Variants in PLAG1 observed in about 807,000 individuals in gnomAD.
PLAG1 encodes the protein PLAG1 zinc finger.
In PLAG1, 7 loss-of-function variants were observed where a neutral mutation model predicts 35.5. The ratio of observed to expected loss-of-function variants is 0.20; its 90% CI spans 0.11 to 0.37. The LOEUF (loss-of-function observed/expected upper bound fraction) is 0.37, where lower values mean the gene tolerates loss of function less well. Ranked by LOEUF, PLAG1 falls within the 10% of genes least tolerant of loss-of-function variation. The pLI is 1.00. For missense variants in PLAG1, 454 were observed against 602.8 expected, an observed-to-expected ratio of 0.75 and a Z score of 2.58; for synonymous variants, 229 against 225.4, an observed-to-expected ratio of 1.02 and a Z score of -0.14.
chr8:56,193,822 C>T (rs1812264709), intron 1 of PLAG1, among the ~76,000 whole-genome samples: 1 of 151,890 alleles, frequency 6.6e-6, no homozygotes, highest in African/African-American at 2.4e-5. Flanking sequence ...CTCAGCCTCC[C>T]AAATAGCTGG....
At chr8:56,201,091 A>G (rs564768804) in intron 1 of PLAG1, among the ~76,000 whole-genome samples, 2 of 152,328 alleles carry the variant, frequency 1.3e-5, no homozygotes, top group African/African-American at 4.8e-5. Flanking sequence ...TACATGAATA[A>G]CAAAATGGAG....
Position 56,166,255 on chromosome 8 carries a change from T to C in PLAG1, c.1491A>G (p.Gln497=), listed in dbSNP as rs182997597. The change falls in exon 5 of 5, where the codon CAA becomes CAG. Residue 497 remains glutamine, a synonymous_variant. Transcript: ENST00000316981. ...ATGTCCCAGAATCCTACTGAAAAGC[T>C]TGATGGAAACGTGGGAGGGTGGTAC... ...STSTTLPRFH[Q]AFQ is the part of the protein sequence containing the mutation. 6.4e-5 allele frequency: 101 copies of C among 1,587,784 alleles called. No individual in the cohort carries two copies. In the East Asian group the frequency reaches 8.3e-4, roughly 13 times the overall value.
rs1019297983 is a variant in PLAG1, at chr8:56,165,081, G to C, written c.*1162C>G. ...ACTGTTGTTTTTGTTTTCTGCTTTT[G>C]ATTCTTAAGGGAAAGAAAAACATAT... On this transcript the variant is annotated 3_prime_UTR_variant, in exon 5 of 5. Transcript: ENST00000316981. 12 of 206,920 alleles carry C rather than the reference G, an allele frequency of 5.8e-5. No individual in the cohort carries two copies. In the East Asian group the frequency reaches 8.8e-4, roughly 15 times the overall value. 12.8% of individuals were successfully genotyped at this position (206,920 alleles called of 1,614,324 possible).
intron 1 of PLAG1, among the ~76,000 whole-genome samples, chr8:56,197,704 T>G (rs1812424420): frequency 6.6e-6 from 1 of 152,214 alleles, no homozygotes; most frequent in African/African-American, 2.4e-5. Flanking sequence ...CTCTGGGTAT[T>G]CTGGGGGGTG....
chr8:56,188,859 G>A (rs926969998), intron 1 of PLAG1, among the ~76,000 whole-genome samples: 3 of 152,190 alleles, frequency 2.0e-5, no homozygotes, highest in African/African-American at 7.2e-5. Flanking sequence ...TGGTGCCTTT[G>A]CTTGTTGAAA....
rs1811244790 is a variant in PLAG1, at chr8:56,162,881, T to C, written c.*3362A>G. 9.3e-6 allele frequency: 2 copies of C among 216,194 alleles called. No homozygotes were observed. The highest frequency in any genetic ancestry group is 6.8e-5 in the East Asian group (1 of 14,612). 13.4% of individuals were successfully genotyped at this position (216,194 alleles called of 1,614,324 possible). A position where few individuals can be genotyped will look rare whatever the true frequency, so the allele number is the denominator to read the frequency against. ...AGAAAAATAAAGCACAAGCAACAAA[T>C]AGGCAAAAATACACAGCTTGAAAGA... On this transcript the variant is annotated 3_prime_UTR_variant, in exon 5 of 5. Coordinates refer to ENST00000316981, the MANE Select transcript of PLAG1 (RefSeq NM_002655.3).
At chr8:56,201,408 TTTATAC>T (rs1260286879) in intron 1 of PLAG1, among the ~76,000 whole-genome samples, 1 of 152,188 alleles carries the variant, frequency 6.6e-6, no homozygotes, top group Non-Finnish European at 1.5e-5. Flanking sequence ...TGAGACAAAG[TTTATAC>T]TTATATCTTT....
At chr8:56,193,123 T>C (rs1812235731) in intron 1 of PLAG1, among the ~76,000 whole-genome samples, 1 of 152,220 alleles carries the variant, frequency 6.6e-6, no homozygotes, top group Admixed American at 6.5e-5. Flanking sequence ...TGTGTGATAA[T>C]TGTATTGTAA....
intron 3 of PLAG1, 42 bp downstream of exon 3, chr8:56,171,049 G>A (rs1207484943): frequency 7.9e-6 from 3 of 379,572 alleles, no homozygotes; most frequent in African/African-American, 2.2e-5. Context: ...TACTTTAAAG[G>A]TGCATGCATA....
At chr8:56,206,577 C>T (rs1052009698) in intron 1 of PLAG1, among the ~76,000 whole-genome samples, 1 of 151,954 alleles carries the variant, frequency 6.6e-6, no homozygotes, top group Non-Finnish European at 1.5e-5. Flanking sequence ...AATTCCCATG[C>T]ATGAATTCTA....
At chr8:56,208,813 C>T (rs1397602540) in intron 1 of PLAG1, among the ~76,000 whole-genome samples, 2 of 152,162 alleles carry the variant, frequency 1.3e-5, no homozygotes, top group African/African-American at 4.8e-5. Context: ...AGTTTATGGT[C>T]AGTAAACACT....
rs1811510613 is a variant in PLAG1, at chr8:56,171,102, T to C, written c.-129A>G. 9 of 952,026 alleles carry C rather than the reference T, an allele frequency of 9.5e-6. No homozygotes were observed. Among genetic ancestry groups the C allele is most frequent in the Non-Finnish European group, 1.1e-5 (9 of 799,134 alleles). 59.0% of individuals were successfully genotyped at this position (952,026 alleles called of 1,614,324 possible). A position where few individuals can be genotyped will look rare whatever the true frequency, so the allele number is the denominator to read the frequency against. Reference sequence around the variant, plus strand: ...AGTTCAATGCATACCTGATTACTGATGGAAAAAGCCTCAGACTTTGATCTT... The same window carrying C: ...AGTTCAATGCATACCTGATTACTGACGGAAAAAGCCTCAGACTTTGATCTT... On this transcript the variant is annotated 5_prime_UTR_variant, in exon 3 of 5. Transcript: ENST00000316981.
intron 1 of PLAG1, among the ~76,000 whole-genome samples, chr8:56,203,556 T>A (rs1213255220): frequency 6.6e-6 from 1 of 152,080 alleles, no homozygotes; most frequent in Non-Finnish European, 1.5e-5. Flanking sequence ...TTTGTTTGTA[T>A]GACAGTAGCC....
intron 3 of PLAG1, among the ~76,000 whole-genome samples, chr8:56,169,573 C>G (rs928085169): frequency 2.0e-5 from 3 of 152,152 alleles, no homozygotes; most frequent in Non-Finnish European, 4.4e-5. Context: ...GAGTCTCACT[C>G]TGTCACCCAG....
intron 1 of PLAG1, among the ~76,000 whole-genome samples, chr8:56,189,354 C>A (rs1056786766): frequency 6.6e-6 from 1 of 152,192 alleles, no homozygotes; most frequent in African/African-American, 2.4e-5. Flanking sequence ...GATATCAGGA[C>A]GCTGCAGTCA....
At chr8:56,204,562 C>CAGGTT (rs892256410) in intron 1 of PLAG1, among the ~76,000 whole-genome samples, 71 of 151,954 alleles carry the variant, frequency 4.7e-4, no homozygotes, top group African/African-American at 1.7e-3. Flanking sequence ...TCTAGTTTAA[C>CAGGTT]AGTCTCCAAA....
intron 1 of PLAG1, among the ~76,000 whole-genome samples, chr8:56,206,210 T>C (rs990253628): frequency 3.9e-5 from 6 of 151,968 alleles, no homozygotes; most frequent in Non-Finnish European, 8.8e-5. Context: ...GAGGCAGGGA[T>C]AGCTATAAAC....
Position 56,170,507 on chromosome 8 carries a change from C to T in PLAG1, c.-118+584G>A, listed in dbSNP as rs569687132. Among the ~76,000 whole-genome samples, 3 of 152,278 alleles carry T rather than the reference C, an allele frequency of 2.0e-5. No homozygotes were observed. The South Asian group carries it at 6.2e-4, about 32-fold the overall frequency. ...TAATTTTCATTATTTGATTTCCTAA[C>T]CTGATACTTTTATGCACCTATTTAG... On this transcript the variant is annotated intron_variant, in intron 3 of 4. Transcript: ENST00000316981.
intron 1 of PLAG1, among the ~76,000 whole-genome samples, chr8:56,190,786 G>C (rs149220207): frequency 1.4e-3 from 212 of 152,114 alleles, no homozygotes; most frequent in African/African-American, 4.8e-3. Context: ...AGGAGGACAG[G>C]GTGTGTGCAG....
Sources: allele counts gnomAD v4.1 joint callset (sites outside exome capture counted in the v4.1 genomes callset), GRCh38; gene constraint gnomAD v4.1.1; transcripts MANE v1.5; gene names NCBI Gene and HGNC (gene_info 2026-07-23, HGNC 2026-07-21).